TNXB: variants seen among roughly 807,000 people sequenced by gnomAD.
TNXB encodes tenascin-X.
TNXB carries 183 observed loss-of-function variants against 340.5 expected under a neutral mutation model. The ratio of observed to expected loss-of-function variants is 0.54; its 90% CI spans 0.48 to 0.61. TNXB has a LOEUF of 0.61. Ranked by LOEUF, TNXB falls within the 20% of genes least tolerant of loss-of-function variation. The pLI is 0.00. For missense variants in TNXB, 4,613 were observed against 5,446.4 expected, an observed-to-expected ratio of 0.85 and a Z score of 4.82; for synonymous variants, 2,121 against 2,314.5, an observed-to-expected ratio of 0.92 and a Z score of 2.40.
At position 32,087,521 on chromosome 6, in the gene TNXB, A is replaced by ACGCAGCCACCCG. The variant is rs2127269038; in HGVS notation, c.2779+1252_2779+1263dup. The ACGCAGCCACCCG allele has an allele frequency of 2.1e-6, 1 of 471,846 alleles. No homozygotes were observed. Among genetic ancestry groups the ACGCAGCCACCCG allele is most frequent in the Admixed American group, 2.3e-5 (1 of 44,390 alleles). The allele number at this position is 471,846 out of a possible 1,614,324, so 29.2% of individuals were successfully genotyped here. A position where few individuals can be genotyped will look rare whatever the true frequency, so the allele number is the denominator to read the frequency against. On this transcript the variant is annotated intron_variant, in intron 6 of 43. Coordinates refer to ENST00000644971, the MANE Select transcript of TNXB (RefSeq NM_001365276.2). The surrounding 1 kb of genome is among the most constrained non-coding windows in gnomAD (Gnocchi z 9.0). ...AGCACCTCTGGCTTGGGGTGGCGGG[A>ACGCAGCCACCCG]CGCAGCCACCCGGTCGACGCCTTCA...
At position 32,061,778 on chromosome 6, in the gene TNXB, T is replaced by G; in HGVS notation, c.7169-58A>C. 2 of 1,578,320 alleles carry G rather than the reference T, an allele frequency of 1.3e-6. No individual in the cohort carries two copies. The highest frequency in any genetic ancestry group is 1.7e-6 in the Non-Finnish European group (2 of 1,159,522). ...GTCCCTGGGGGATGTGCTTACGTCG[T>G]GGGGAAAAGGAGGGAGAAGGCTATG... is the stretch of plus-strand genomic sequence containing the variant. On this transcript the variant is annotated intron_variant, in intron 20 of 43. Coordinates refer to ENST00000644971, the MANE Select transcript of TNXB (RefSeq NM_001365276.2). This position sits in a 1 kb window ranked among gnomAD's most constrained non-coding sequence, Gnocchi z 4.4.
Position 32,081,787 on chromosome 6 carries a change from G to T in TNXB, c.3737-114C>A. On this transcript the variant is annotated intron_variant, in intron 9 of 43. Coordinates refer to ENST00000644971, the MANE Select transcript of TNXB (RefSeq NM_001365276.2). This position sits in a 1 kb window ranked among gnomAD's most constrained non-coding sequence, Gnocchi z 5.1. ...TGGGGGGTCACTAGTCCATTAATTC[G>T]AGTGCTAAACTTCTGGGAAGCCTGA... is the stretch of plus-strand genomic sequence containing the variant. 1 of 724,388 alleles carries T rather than the reference G, an allele frequency of 1.4e-6. No homozygotes were observed. 44.9% of individuals were successfully genotyped at this position (724,388 alleles called of 1,614,324 possible). A position where few individuals can be genotyped will look rare whatever the true frequency, so the allele number is the denominator to read the frequency against.
Position 32,056,777 on chromosome 6 carries a change from G to A in TNXB, c.7952C>T (p.Pro2651Leu). The A allele has an allele frequency of 6.2e-7, 1 of 1,613,310 alleles. No individual in the cohort carries two copies. Among genetic ancestry groups the A allele is most frequent in the East Asian group, 2.2e-5 (1 of 44,872 alleles). The change falls in exon 23 of 44, where the codon CCC becomes CTC. Residue 2651 changes from proline to leucine, a missense_variant. Physicochemically the swap from Pro to Leu is moderately conservative, Grantham distance 98. Around this residue, in one of 7 missense-constraint regions of TNXB, gnomAD observed 4,327 missense variants for 4,859.4 expected, o/e 0.89. Transcript: ENST00000644971. ...PDSLSLSWTV[P>L]EGQFDHFLVQ... is the part of the protein sequence containing the mutation. ...CAGGAAGTGGTCAAACTGGCCCTCG[G>A]GAACCGTCCAGGACAGGCTGAGGGA...
At position 32,061,065 on chromosome 6, in the gene TNXB, G is replaced by A. The variant is rs750906770; in HGVS notation, c.7492+332C>T. Reference sequence around the variant, plus strand: ...TTTAGTCATCCCAACGTGGTTTGACGTTGGATTGTTCCTCTTGTGTGCATT... The same window carrying A: ...TTTAGTCATCCCAACGTGGTTTGACATTGGATTGTTCCTCTTGTGTGCATT... On this transcript the variant is annotated intron_variant, in intron 21 of 43. Coordinates refer to ENST00000644971, the MANE Select transcript of TNXB (RefSeq NM_001365276.2). The surrounding 1 kb of genome is among the most constrained non-coding windows in gnomAD (Gnocchi z 4.4). Among the ~76,000 whole-genome samples the A allele has an allele frequency of 4.6e-5, 7 of 151,936 alleles. No individual in the cohort carries two copies. Among genetic ancestry groups the A allele is most frequent in the Non-Finnish European group, 7.3e-5 (5 of 68,044 alleles).
At chr6:32,093,798 C>A (rs1780188117) in intron 4 of TNXB, among the ~76,000 whole-genome samples, 1 of 152,092 alleles carries the variant, frequency 6.6e-6, no homozygotes, top group African/African-American at 2.4e-5. Context: ...GTTTTAAGAG[C>A]AAGTTGGATG....
chr6:32,049,632 G>C lies in TNXB; in HGVS notation c.9440-45C>G. Reference sequence around the variant, plus strand: ...AGAGAGAGTGAGGGGGATGTCCTTGGGTCCTGGGGAAAAGGAGGGAGAAGC... The same window carrying C: ...AGAGAGAGTGAGGGGGATGTCCTTGCGTCCTGGGGAAAAGGAGGGAGAAGC... On this transcript the variant is annotated intron_variant, in intron 27 of 43. Transcript: ENST00000644971. The surrounding 1 kb of genome is among the most constrained non-coding windows in gnomAD (Gnocchi z 4.5). The C allele has an allele frequency of 6.3e-7, 1 of 1,580,626 alleles. No homozygotes were observed. The highest frequency in any genetic ancestry group is 8.6e-7 in the Non-Finnish European group (1 of 1,160,624).
chr6:32,041,572 T>C (rs1173479871), intron 43 of TNXB, 122 bp from the exon 44 acceptor site: 2 of 1,057,966 alleles, frequency 1.9e-6, no homozygotes, highest in Non-Finnish European at 1.4e-6. Flanking sequence ...TTCCTGACCC[T>C]CCGCTGCAGA....
rs564414141 is a variant in TNXB at position 32,068,197 on chromosome 6, C to T, written c.6220+193G>A. Among the ~76,000 whole-genome samples the T allele has an allele frequency of 2.2e-4, 34 of 152,272 alleles. No homozygotes were observed. Among genetic ancestry groups the T allele is most frequent in the Admixed American group, 1.1e-3 (17 of 15,306 alleles). Reference sequence around the variant, plus strand: ...ACAGCCACCAGCACAGCAAAATTCCCGATGGCCCCTCTCTGTTCAGGAGGA... The same window carrying T: ...ACAGCCACCAGCACAGCAAAATTCCTGATGGCCCCTCTCTGTTCAGGAGGA... On this transcript the variant is annotated intron_variant, in intron 17 of 43. Coordinates refer to ENST00000644971, the MANE Select transcript of TNXB (RefSeq NM_001365276.2). This position sits in a 1 kb window ranked among gnomAD's most constrained non-coding sequence, Gnocchi z 5.3.
Position 32,096,118 on chromosome 6 carries a change from C to T in TNXB, c.1735G>A (p.Gly579Ser). The T allele has an allele frequency of 1.2e-6, 2 of 1,605,018 alleles. No homozygotes were observed. Among genetic ancestry groups the T allele is most frequent in the Non-Finnish European group, 1.7e-6 (2 of 1,176,804 alleles). ...CLDGRCVCEDGYSGEDCGVRQ... is the reference protein window; with the variant it reads ...CLDGRCVCEDSYSGEDCGVRQ... ...ACACCGCAATCCTCGCCAGAGTAGC[C>T]GTCCTCGCACACACACCGCCCATCT... is the stretch of plus-strand genomic sequence containing the variant. The change falls in exon 3 of 44, where the codon GGC becomes AGC. Residue 579 changes from glycine (G) to serine (S), a missense_variant. Coordinates refer to ENST00000644971, the MANE Select transcript of TNXB (RefSeq NM_001365276.2).
At chr6:32,042,639 C>A in intron 39 of TNXB, 33 bp from the exon 40 acceptor site, 3 of 1,488,676 alleles carry the variant, frequency 2.0e-6, no homozygotes, top group Non-Finnish European at 2.7e-6. Flanking sequence ...AGTCCTTTTC[C>A]AAGCCTTAGG....
chr6:32,072,246 T>G lies in TNXB; in HGVS notation c.4734A>C (p.Pro1578=), dbSNP rs1357419855. 2 of 1,609,740 alleles carry G rather than the reference T, an allele frequency of 1.2e-6. No homozygotes were observed. Among genetic ancestry groups the G allele is most frequent in the Non-Finnish European group, 1.7e-6 (2 of 1,178,290 alleles). The change falls in exon 13 of 44, where the codon CCA becomes CCC. Residue 1578 remains proline, a synonymous_variant. Coordinates refer to ENST00000644971, the MANE Select transcript of TNXB (RefSeq NM_001365276.2). This position sits in a 1 kb window ranked among gnomAD's most constrained non-coding sequence, Gnocchi z 4.4. ...ATEASKPPLE[P]RLGELTVTDI... is the part of the protein sequence containing the mutation. ...CCGTCACTGTCAGCTCCCCTAGGCG[T>G]GGCTCCAGGGGAGGCTTGGAGGCCT...
At position 32,097,598 on chromosome 6, in the gene TNXB, G is replaced by T; in HGVS notation, c.404-149C>A. The T allele has an allele frequency of 8.8e-7, 1 of 1,142,622 alleles. No homozygotes were observed. Among genetic ancestry groups the T allele is most frequent in the Non-Finnish European group, 1.2e-6 (1 of 829,456 alleles). 70.8% of individuals were successfully genotyped at this position (1,142,622 alleles called of 1,614,324 possible). On this transcript the variant is annotated intron_variant, in intron 2 of 43. Transcript: ENST00000644971. This position sits in a 1 kb window ranked among gnomAD's most constrained non-coding sequence, Gnocchi z 5.9. Reference sequence around the variant, plus strand: ...CCAGTTGCTAGTATGTGTAATGTATGCAGCCTCTCAGGGCCCTCGCATATG... The same window carrying T: ...CCAGTTGCTAGTATGTGTAATGTATTCAGCCTCTCAGGGCCCTCGCATATG...
In TNXB at chr6:32,043,742, A is replaced by C. The variant is rs756384550; in HGVS notation, c.11530+7T>G. ...CACCTCTTGCCCCGGGTCCCAGTCC[A>C]TCTCACCCGTGGTGAGGAAGCCTGT... is the stretch of plus-strand genomic sequence containing the variant. On this transcript the variant is annotated splice_region_variant and intron_variant, in intron 35 of 43. Transcript: ENST00000644971. 1 of 1,613,324 alleles carries C rather than the reference A, an allele frequency of 6.2e-7. No homozygotes were observed. Among genetic ancestry groups the C allele is most frequent in the South Asian group, 1.1e-5 (1 of 91,064 alleles).
chr6:32,055,771 G>A, intron 24 of TNXB, 80 bp downstream of exon 24: 1 of 1,539,848 alleles, frequency 6.5e-7, no homozygotes, highest in South Asian at 1.2e-5. Flanking sequence ...AGCCCGGCTG[G>A]TGAGAATATT....
At chr6:32,106,784 G>A (rs2127309222) in intron 1 of TNXB, among the ~76,000 whole-genome samples, 1 of 152,270 alleles carries the variant, frequency 6.6e-6, no homozygotes, top group South Asian at 2.1e-4. Flanking sequence ...GGCTCTGACC[G>A]ACCCTCAAAT....
chr6:32,070,059 C>T lies in TNXB; in HGVS notation c.5278+68G>A. On this transcript the variant is annotated intron_variant, in intron 14 of 43. Coordinates refer to ENST00000644971, the MANE Select transcript of TNXB (RefSeq NM_001365276.2). The surrounding 1 kb of genome is among the most constrained non-coding windows in gnomAD (Gnocchi z 6.0). ...GGCCAAATAATGGTAATGGCAGCCA[C>T]CACAAGTGACCGTCTGCTGCTTGGC... The T allele has an allele frequency of 2.0e-6, 3 of 1,466,674 alleles. No individual in the cohort carries two copies. The highest frequency in any genetic ancestry group is 2.7e-6 in the Non-Finnish European group (3 of 1,113,336). The allele number at this position is 1,466,674 out of a possible 1,614,324, so 90.9% of individuals were successfully genotyped here.
Position 32,049,996 on chromosome 6 carries a change from A to C in TNXB, c.9439+2T>G. ...ACCCTGGGGCTCCCATCATTCACTCACCCGTCACCCCAATGGCAGACACAG... is the reference window on the plus strand; with the variant it reads ...ACCCTGGGGCTCCCATCATTCACTCCCCCGTCACCCCAATGGCAGACACAG... On this transcript the variant is annotated splice_donor_variant, in intron 27 of 43. Transcript: ENST00000644971. LOFTEE classifies it high-confidence loss of function. The surrounding 1 kb of genome is among the most constrained non-coding windows in gnomAD (Gnocchi z 4.5). The C allele has an allele frequency of 7.4e-6, 12 of 1,612,700 alleles. No homozygotes were observed. The highest frequency in any genetic ancestry group is 1.0e-5 in the Non-Finnish European group (12 of 1,179,106).
intron 24 of TNXB, among the ~76,000 whole-genome samples, chr6:32,054,303 CG>C (rs1562800154): frequency 6.6e-6 from 1 of 152,226 alleles, no homozygotes; most frequent in Non-Finnish European, 1.5e-5. Context: ...TTAGCTCCCA[CG>C]GATGAACTTC....
In TNXB at chr6:32,095,974, C is replaced by G. The variant is rs1279857689; in HGVS notation, c.1879G>C (p.Gly627Arg). ...SIRTCPSNCH[G>R]RGRCEEGRCL... Reference sequence around the variant, plus strand: ...CGCCCTTCCTCACAGCGGCCCCTCCCGTGGCAGTTGGAGGGGCAGGTGCGG... The same window carrying G: ...CGCCCTTCCTCACAGCGGCCCCTCCGGTGGCAGTTGGAGGGGCAGGTGCGG... The change falls in exon 3 of 44, where the codon GGG becomes CGG. Residue 627 changes from glycine (G) to arginine (R), a missense_variant. Around this residue, in one of 7 missense-constraint regions of TNXB, gnomAD observed 4,327 missense variants for 4,859.4 expected, o/e 0.89. Transcript: ENST00000644971. The G allele has an allele frequency of 4.3e-6, 7 of 1,613,136 alleles. No homozygotes were observed. Among genetic ancestry groups the G allele is most frequent in the Non-Finnish European group, 5.9e-6 (7 of 1,179,754 alleles).
Sources: gnomAD v4.1 joint callset for allele counts (sites outside exome capture counted in the v4.1 genomes callset) on GRCh38, gnomAD v4.1.1 for gene constraint, gnomAD v4.1.1 regional missense constraint, Gnocchi (gnomAD v3.1) non-coding constraint, MANE v1.5 for transcripts, NCBI Gene and HGNC (gene_info 2026-07-23, HGNC 2026-07-21) for gene names.